TPTE2: variants seen among roughly 807,000 people sequenced by gnomAD.
TPTE2 encodes transmembrane phosphoinositide 3-phosphatase and tensin homolog 2.
TPTE2 carries 53 observed loss-of-function variants against 78.6 expected under a neutral mutation model. The observed-to-expected ratio is 0.67, with a 90% CI of 0.54 to 0.85. The LOEUF is 0.85. TPTE2 is among the 40% of genes least tolerant of loss of function. The probability of loss-of-function intolerance (pLI) is 0.00; values close to 1 mark genes in which losing one functional copy is unlikely to be tolerated. For synonymous variants in TPTE2, 175 were observed against 206.2 expected (o/e 0.85, Z 1.30); for missense variants, 461 against 623.0 (o/e 0.74, Z 2.77).
chr13:19,487,965 C>T (rs1880758022), intron 3 of TPTE2, among the ~76,000 whole-genome samples: 1 of 152,190 alleles, frequency 6.6e-6, no homozygotes, highest in South Asian at 2.1e-4. Context: ...AGTGGGGTGA[C>T]AGGGATCTTC....
At chr13:19,540,171 T>G (rs1871399297), upstream of TPTE2, among the ~76,000 whole-genome samples, 1 of 151,990 alleles carries the variant, frequency 6.6e-6, no homozygotes, top group South Asian at 2.1e-4. Context: ...TAAATCCTAT[T>G]GGAATTTTGT....
chr13:19,457,038 T>C (rs1593367441), intron 10 of TPTE2, among the ~76,000 whole-genome samples: 1 of 152,220 alleles, frequency 6.6e-6, no homozygotes, highest in East Asian at 1.9e-4. Context: ...TTCACTTTAT[T>C]TGCAATAAAC....
intron 13 of TPTE2, among the ~76,000 whole-genome samples, chr13:19,438,696 A>T (rs992032861): frequency 1.3e-5 from 2 of 152,234 alleles, no homozygotes; most frequent in African/African-American, 4.8e-5. Flanking sequence ...GGCAGATTAC[A>T]GGCTTTTAGC....
chr13:19,473,803 C>G (rs1462876448), intron 6 of TPTE2, 111 bp downstream of exon 9: 1 of 967,504 alleles, frequency 1.0e-6, no homozygotes, highest in African/African-American at 1.8e-5. Flanking sequence ...ACCATGTTGG[C>G]CAGGATTGTG....
intron 3 of TPTE2, among the ~76,000 whole-genome samples, chr13:19,491,892 C>A (rs1206536931): frequency 1.3e-5 from 2 of 152,090 alleles, no homozygotes; most frequent in Admixed American, 6.5e-5. Context: ...AAAATAAATT[C>A]TTTTAAAAAT....
chr13:19,448,480 G>C (rs1310354884), intron 13 of TPTE2, among the ~76,000 whole-genome samples: 3 of 152,138 alleles, frequency 2.0e-5, no homozygotes, highest in Non-Finnish European at 4.4e-5. Context: ...ACAATAGCAA[G>C]AGAACATGTT....
chr13:19,489,772 T>G (rs2061658749), intron 3 of TPTE2, among the ~76,000 whole-genome samples: 2 of 4,668 alleles, frequency 4.3e-4, no homozygotes, highest in Non-Finnish European at 0.023. Flanking sequence ...TATGTGTGTG[T>G]GTGTGTAGAT....
chr13:19,492,869 C>G lies in TPTE2; in HGVS notation c.100G>C (p.Val34Leu). ...ACTCACCTTTTACTGATAGGTGACA[C>G]CAGGGCTGCTCCTTTAAATTCACTT... Residue 34 changes from valine (V) to leucine (L), a missense_variant, in exon 3 of 20, where the codon GTG (valine) becomes CTG (leucine). Physicochemically the swap from Val to Leu is conservative, Grantham distance 32 (BLOSUM62 1). Transcript: ENST00000400230. 3 of 1,613,918 alleles carry G rather than the reference C, an allele frequency of 1.9e-6. No homozygotes were observed. In the South Asian group the frequency reaches 3.3e-5, roughly 18 times the overall value.
intron 17 of TPTE2, among the ~76,000 whole-genome samples, chr13:19,427,206 T>C (rs1237539928): frequency 6.9e-6 from 1 of 145,192 alleles, no homozygotes; most frequent in Non-Finnish European, 1.5e-5. Context: ...AGCCTCAGCC[T>C]CCCAAGTAGC....
At chr13:19,559,561 AATG>A in the TPTE2 span, among the ~76,000 whole-genome samples, 3 of 148,824 alleles carry the variant, frequency 2.0e-5, no homozygotes, top group Non-Finnish European at 4.5e-5. Context: ...GCCCAATGCA[AATG>A]ATGAGAGGAG....
At chr13:19,493,532 A>T in intron 1 of TPTE2, 31 bp from the exon 5 acceptor site, 1 of 1,603,904 alleles carries the variant, frequency 6.2e-7, no homozygotes, top group Non-Finnish European at 8.5e-7. Context: ...ACAGTCAGAG[A>T]GGAGACATAA....
chr13:19,506,253 G>C (rs1423876046), upstream of TPTE2, among the ~76,000 whole-genome samples: 2 of 123,950 alleles, frequency 1.6e-5, no homozygotes, highest in African/African-American at 6.1e-5. Flanking sequence ...CTCACTGCAA[G>C]CTCCACCTCC....
chr13:19,496,853 G>A (rs1464579934), intron 1 of TPTE2, among the ~76,000 whole-genome samples: 3 of 152,164 alleles, frequency 2.0e-5, no homozygotes, highest in African/African-American at 7.2e-5. Context: ...GAGCGACGCG[G>A]AAGACAGTGA....
rs1241582382 is a variant in TPTE2 at position 19,467,080 on chromosome 13, C to T, written c.512+145G>A. 2.9e-6 allele frequency: 3 copies of T among 1,018,366 alleles called. No homozygotes were observed. The African/African-American group carries it at 5.1e-5, about 17-fold the overall frequency. 63.1% of individuals were successfully genotyped at this position (1,018,366 alleles called of 1,614,324 possible). On this transcript the variant is annotated intron_variant, in intron 7 of 19. Coordinates refer to ENST00000400230, the Ensembl canonical transcript of TPTE2. ...ATCTTTTAGTTTCAAAGTATGTGGG[C>T]ATTTACCCAAACATTTCATTTTAAA...
At chr13:19,465,992 G>T (rs1036325661) in intron 7 of TPTE2, among the ~76,000 whole-genome samples, 2 of 152,094 alleles carry the variant, frequency 1.3e-5, no homozygotes, top group African/African-American at 4.8e-5. Flanking sequence ...AAAACAAATC[G>T]ATTATTCTTG....
intron 4 of TPTE2, among the ~76,000 whole-genome samples, chr13:19,476,711 A>T (rs1879962723): frequency 1.3e-5 from 2 of 152,234 alleles, no homozygotes; most frequent in African/African-American, 4.8e-5. Context: ...AAGTCAAAAA[A>T]TAACAGATGC....
At chr13:19,447,896 G>A (rs1877940958) in intron 13 of TPTE2, among the ~76,000 whole-genome samples, 1 of 152,026 alleles carries the variant, frequency 6.6e-6, no homozygotes, top group Admixed American at 6.6e-5. Context: ...CATAATTTTT[G>A]AAATAGCATC....
chr13:19,447,151 A>G (rs911421191), intron 13 of TPTE2, among the ~76,000 whole-genome samples: 1 of 152,204 alleles, frequency 6.6e-6, no homozygotes, highest in African/African-American at 2.4e-5. Context: ...AGATAGCAAG[A>G]CTAATATGAA....
intron 3 of TPTE2, among the ~76,000 whole-genome samples, chr13:19,490,336 A>G (rs1315248031): frequency 6.6e-6 from 1 of 152,196 alleles, no homozygotes; most frequent in Non-Finnish European, 1.5e-5. Context: ...TTTCTGATAC[A>G]AATTAGCAAT....
Sources: allele counts gnomAD v4.1 joint callset (sites outside exome capture counted in the v4.1 genomes callset), GRCh38; gene constraint gnomAD v4.1.1; transcripts MANE v1.5; gene names NCBI Gene and HGNC (gene_info 2026-07-23, HGNC 2026-07-21).